The following MAP6 variants were observed in gnomAD, a reference collection of about 807,000 sequenced individuals.
MAP6 encodes microtubule associated protein 6.
In MAP6, 26 loss-of-function variants were observed where a neutral mutation model predicts 42.4. That is an observed-to-expected ratio of 0.61 (90% CI 0.45 to 0.85). The LOEUF is 0.85. MAP6 is among the 40% of genes least tolerant of loss of function. The pLI is 0.00. For synonymous variants in MAP6, 418 were observed against 443.8 expected (o/e 0.94, Z 0.73); for missense variants, 966 against 1,099.0 (o/e 0.88, Z 1.71).
intron 1 of MAP6, chr11:75,636,330 T>C (rs867346852): frequency 2.0e-5 from 3 of 152,244 alleles, no homozygotes; most frequent in Admixed American, 2.0e-4. Flanking sequence ...ATTAAGCCTA[T>C]GCCAGAACAA....
intron 1 of MAP6, among the ~76,000 whole-genome samples, chr11:75,636,453 C>A (rs1943370892): frequency 6.6e-6 from 1 of 152,196 alleles, no homozygotes; most frequent in South Asian, 2.1e-4. Flanking sequence ...GTATTAAGGG[C>A]ATCTTTTTTA....
intron 1 of MAP6, among the ~76,000 whole-genome samples, chr11:75,660,137 T>C (rs527048): frequency 0.19 from 28,502 of 152,158 alleles, 3,348 homozygotes; most frequent in Admixed American, 0.26. Flanking sequence ...CCTTCAACTT[T>C]TTCATGGATA....
intron 1 of MAP6, among the ~76,000 whole-genome samples, chr11:75,636,357 C>T (rs895012740): frequency 6.6e-6 from 1 of 152,198 alleles, no homozygotes; most frequent in Non-Finnish European, 1.5e-5. Context: ...TTGAAATAAT[C>T]TCTTCCTCTT....
chr11:75,644,406 G>T (rs1943523029), intron 1 of MAP6, among the ~76,000 whole-genome samples: 1 of 152,148 alleles, frequency 6.6e-6, no homozygotes, highest in African/African-American at 2.4e-5. Context: ...AACTACTGCT[G>T]CTAATAGTTA....
intron 1 of MAP6, among the ~76,000 whole-genome samples, chr11:75,623,834 G>C (rs993577426): frequency 6.6e-6 from 1 of 152,180 alleles, no homozygotes; most frequent in Non-Finnish European, 1.5e-5. Context: ...GATGAAAGTG[G>C]CATGAAATAC....
rs1300765847 is a variant in MAP6 at position 75,667,712 on chromosome 11, CG to C, written c.657del (p.Gly220AlafsTer78). The part of the protein sequence containing the change: ...AAEAREQEAA[P>X]GGAGGLAAGK... ...CCGGCCGCCAGGCCACCCGCTCCGCCGGGGGCCGCCTCCTGCTCCCGGGCCT... is the reference window on the plus strand; with the variant it reads ...CCGGCCGCCAGGCCACCCGCTCCGCCGGGGCCGCCTCCTGCTCCCGGGCCT... On this transcript the variant is annotated frameshift_variant, in exon 1 of 4. Transcript: ENST00000304771. LOFTEE classifies it high-confidence loss of function. The surrounding 1 kb of genome is among the most constrained non-coding windows in gnomAD (Gnocchi z 5.6). 2.2e-5 allele frequency: 28 copies of C among 1,285,866 alleles called. No homozygotes were observed. The highest frequency in any genetic ancestry group is 1.2e-4 in the Admixed American group (3 of 25,564). 79.7% of individuals were successfully genotyped at this position (1,285,866 alleles called of 1,614,324 possible).
intron 1 of MAP6, among the ~76,000 whole-genome samples, chr11:75,664,376 T>C (rs991990419): frequency 3.3e-5 from 5 of 152,250 alleles, no homozygotes; most frequent in African/African-American, 4.8e-5. Context: ...ATGTTATTTA[T>C]GACTGTAAAT....
rs181723307 is a variant in MAP6, at chr11:75,659,264, C to A, written c.905+8201G>T. ...TGGGAGGCTGAAGCAGGGGGATCAC[C>A]CGAGGTCAGGAGTTCGAGACCAGCC... On this transcript the variant is annotated intron_variant, in intron 1 of 3. Coordinates refer to ENST00000304771, the MANE Select transcript of MAP6 (RefSeq NM_033063.2). Among the ~76,000 whole-genome samples, 3 of 152,194 alleles carry A rather than the reference C, an allele frequency of 2.0e-5. No homozygotes were observed. The East Asian group carries it at 5.8e-4, about 29-fold the overall frequency.
Position 75,667,928 on chromosome 11 carries a change from C to A in MAP6, c.442G>T (p.Ala148Ser). ...RPRSEYQPSD[A>S]PFERETQYQK... ...TACTGGGTCTCGCGCTCGAAGGGAG[C>A]GTCGGAGGGCTGGTATTCGCTGCGC... Residue 148 changes from alanine to serine, a missense_variant, in exon 1 of 4, where the codon GCT (alanine) becomes TCT (serine). By Grantham distance (99) the Ala-to-Ser change is moderately conservative. Coordinates refer to ENST00000304771, the MANE Select transcript of MAP6 (RefSeq NM_033063.2). This position sits in a 1 kb window ranked among gnomAD's most constrained non-coding sequence, Gnocchi z 5.6. 2.2e-6 allele frequency: 3 copies of A among 1,388,958 alleles called. No homozygotes were observed. The highest frequency in any genetic ancestry group is 1.9e-6 in the Non-Finnish European group (2 of 1,067,138). The allele number at this position is 1,388,958 out of a possible 1,614,324, so 86.0% of individuals were successfully genotyped here. A position where few individuals can be genotyped will look rare whatever the true frequency, so the allele number is the denominator to read the frequency against.
chr11:75,640,478 C>T (rs1943447696), intron 1 of MAP6, among the ~76,000 whole-genome samples: 1 of 152,190 alleles, frequency 6.6e-6, no homozygotes, highest in Non-Finnish European at 1.5e-5. Context: ...GTGTGGACTG[C>T]TGACATGCAT....
intron 1 of MAP6, among the ~76,000 whole-genome samples, chr11:75,626,573 T>C (rs1213085579): frequency 6.6e-6 from 1 of 152,220 alleles, no homozygotes; most frequent in Non-Finnish European, 1.5e-5. Flanking sequence ...AATTACAAAC[T>C]TAGTGTCACT....
chr11:75,628,446 G>A (rs563809675), intron 1 of MAP6, among the ~76,000 whole-genome samples: 2 of 152,278 alleles, frequency 1.3e-5, no homozygotes, highest in South Asian at 2.1e-4. Context: ...ATGGCCACAC[G>A]GGTCCAAGCG....
chr11:75,592,995 G>T (rs1231032134), intron 3 of MAP6, among the ~76,000 whole-genome samples: 1 of 152,188 alleles, frequency 6.6e-6, no homozygotes, highest in Non-Finnish European at 1.5e-5. Flanking sequence ...TTACTCAGCT[G>T]TCATCTCTCA....
Position 75,608,148 on chromosome 11 carries a change from T to C in MAP6, c.1080A>G (p.Ile360Met), listed in dbSNP as rs1027692867. 6.2e-7 allele frequency: 1 copy of C among 1,614,202 alleles called. No individual in the cohort carries two copies. Among genetic ancestry groups the C allele is most frequent in the Non-Finnish European group, 8.5e-7 (1 of 1,180,040 alleles). ...ADNKVIDRRR[I>M]RSLYSEPFKE... ...TGAAGGGTTCGCTGTAGAGGCTGCG[T>C]ATTCTTCTGCGATCAATGACCTTAT... The change falls in exon 2 of 4, where the codon ATA (isoleucine) becomes ATG (methionine). Residue 360 changes from isoleucine to methionine, a missense_variant. By Grantham distance (10) the Ile-to-Met change is conservative. Transcript: ENST00000304771.
chr11:75,640,264 G>T (rs1459355559), intron 1 of MAP6, among the ~76,000 whole-genome samples: 2 of 146,008 alleles, frequency 1.4e-5, no homozygotes, highest in African/African-American at 5.1e-5. Flanking sequence ...GCTTAATTCT[G>T]GCCTTGACAA....
chr11:75,621,669 A>T (rs543154316), intron 1 of MAP6, among the ~76,000 whole-genome samples: 21 of 145,740 alleles, frequency 1.4e-4, no homozygotes, highest in Admixed American at 1.3e-3. Context: ...ACAAGAAAAG[A>T]AGTTAAAGGC....
chr11:75,606,589 G>A (rs916830008), intron 2 of MAP6, among the ~76,000 whole-genome samples: 1 of 152,206 alleles, frequency 6.6e-6, no homozygotes, highest in African/African-American at 2.4e-5. Context: ...ATGTTCTGGG[G>A]CGGTGGGTCG....
At chr11:75,602,269 C>T (rs1942676300) in intron 3 of MAP6, among the ~76,000 whole-genome samples, 1 of 152,068 alleles carries the variant, frequency 6.6e-6, no homozygotes, top group Non-Finnish European at 1.5e-5. Flanking sequence ...TCCGCAACTC[C>T]CCAGCCCTAG....
intron 3 of MAP6, 50 bp downstream of exon 3, chr11:75,605,758 G>T: frequency 6.3e-7 from 1 of 1,580,764 alleles, no homozygotes. Context: ...AAAAAAGTTG[G>T]GGGGAGGGAG....
Sources: allele counts gnomAD v4.1 joint callset (sites outside exome capture counted in the v4.1 genomes callset), GRCh38; gene constraint gnomAD v4.1.1; non-coding constraint Gnocchi (gnomAD v3.1); transcripts MANE v1.5; gene names NCBI Gene and HGNC (gene_info 2026-07-23, HGNC 2026-07-21).